Variants in ZFP1 observed in about 807,000 individuals in gnomAD.
The protein encoded by ZFP1 is ZFP1 zinc finger protein.
In ZFP1, 32 loss-of-function variants were observed where a neutral mutation model predicts 38.5. That is an observed-to-expected ratio of 0.83 (90% CI 0.63 to 1.12). The LOEUF (loss-of-function observed/expected upper bound fraction) is 1.12. Ranked by LOEUF, ZFP1 falls within the 50% of genes most tolerant of loss-of-function variation. ZFP1 has a pLI of 0.00. For missense variants in ZFP1, 616 were observed against 480.8 expected, an observed-to-expected ratio of 1.28 and a Z score of -2.63; for synonymous variants, 245 against 168.8, an observed-to-expected ratio of 1.45 and a Z score of -3.50.
chr16:75,155,084 A>C (rs547133449), intron 2 of ZFP1, among the ~76,000 whole-genome samples: 1 of 152,150 alleles, frequency 6.6e-6, no homozygotes, highest in East Asian at 1.9e-4. Flanking sequence ...AGCGTAAGTC[A>C]CTGTGCCTGG....
intron 2 of ZFP1, among the ~76,000 whole-genome samples, chr16:75,164,253 C>T (rs1567535696): frequency 6.6e-6 from 1 of 151,540 alleles, no homozygotes; most frequent in Non-Finnish European, 1.5e-5. Flanking sequence ...AGTCTTTTAA[C>T]AGACATTTAT....
Position 75,169,479 on chromosome 16 carries a change from T to C in ZFP1, c.369T>C (p.Asn123=), listed in dbSNP as rs1567542908. ...ATAATTCAGACTTGCTTAATAGTAA[T>C]AGAAGCTATGCAGGAAAGCAGACTG... ...LKYNSDLLNS[N]RSYAGKQTDE... is the part of the protein sequence containing the mutation. Residue 123 remains asparagine (N), a synonymous_variant, in exon 4 of 4, where the codon AAT becomes AAC. Transcript: ENST00000570010. 2 of 1,612,902 alleles carry C rather than the reference T, an allele frequency of 1.2e-6. No homozygotes were observed. Among genetic ancestry groups the C allele is most frequent in the Admixed American group, 3.4e-5 (2 of 59,670 alleles).
chr16:75,169,539 C>G lies in ZFP1; in HGVS notation c.429C>G (p.Tyr143Ter), dbSNP rs1208362689. ...ECNEFGKALL[Y>*]LKQEKTHSGV... ...ATGAATTTGGAAAAGCACTTCTCTA[C>G]CTGAAGCAAGAGAAAACCCACAGTG... Residue 143 changes from tyrosine to a stop codon, truncating the protein, a stop_gained, in exon 4 of 4, where the codon TAC (tyrosine) becomes TAG (stop). Coordinates refer to ENST00000570010, the MANE Select transcript of ZFP1 (RefSeq NM_153688.4). LOFTEE classifies it high-confidence loss of function. The G allele has an allele frequency of 6.2e-7, 1 of 1,612,444 alleles. No individual in the cohort carries two copies. Among genetic ancestry groups the G allele is most frequent in the East Asian group, 2.2e-5 (1 of 44,874 alleles).
At chr16:75,159,280 C>G (rs979690628) in intron 2 of ZFP1, among the ~76,000 whole-genome samples, 19 of 105,496 alleles carry the variant, frequency 1.8e-4, no homozygotes, top group Non-Finnish European at 2.7e-4. Context: ...TCCCTCACTT[C>G]CCTTCCTTCC....
chr16:75,121,998 C>G, the ZFP1 span, among the ~76,000 whole-genome samples: 1 of 152,012 alleles, frequency 6.6e-6, no homozygotes, highest in Non-Finnish European at 1.5e-5. Flanking sequence ...ATACCCAGCC[C>G]AAAACAGAAT....
At chr16:75,125,603 C>A in the ZFP1 span, among the ~76,000 whole-genome samples, 2 of 151,980 alleles carry the variant, frequency 1.3e-5, no homozygotes, top group Non-Finnish European at 2.9e-5. Context: ...GATTACAGGC[C>A]TGAGCCACCG....
At position 75,164,372 on chromosome 16, in the gene ZFP1, A is replaced by G. The variant is rs1052489710; in HGVS notation, c.16-2398A>G. Among the ~76,000 whole-genome samples, 8 of 152,348 alleles carry G rather than the reference A, an allele frequency of 5.3e-5. 1 individual carries two copies. The highest frequency in any genetic ancestry group is 1.9e-4 in the East Asian group (1 of 5,192). On this transcript the variant is annotated intron_variant, in intron 2 of 3. Transcript: ENST00000570010. ...ACTTTCCTATTTTAAACAAAAGTTAATCAGAATTTTTCTTCCAAACATGGT... is the reference window on the plus strand; with the variant it reads ...ACTTTCCTATTTTAAACAAAAGTTAGTCAGAATTTTTCTTCCAAACATGGT...
intron 2 of ZFP1, among the ~76,000 whole-genome samples, chr16:75,164,011 CTTTG>C (rs771703763): frequency 1.3e-5 from 2 of 152,150 alleles, no homozygotes; most frequent in African/African-American, 2.4e-5. Context: ...TATCCATGCT[CTTTG>C]TTTAATCACT....
the ZFP1 span, among the ~76,000 whole-genome samples, chr16:75,121,020 G>A: frequency 1.2e-4 from 19 of 152,232 alleles, no homozygotes; most frequent in African/African-American, 4.1e-4. Context: ...AAAGCATCAC[G>A]TGTTCTAACC....
chr16:75,169,324 ATTC>A lies in ZFP1; in HGVS notation c.217_219del (p.Leu73del). 6.2e-7 allele frequency: 1 copy of A among 1,614,110 alleles called. No homozygotes were observed. Among genetic ancestry groups the A allele is most frequent in the East Asian group, 2.2e-5 (1 of 44,882 alleles). On this transcript the variant is annotated inframe_deletion, in exon 4 of 4. Coordinates refer to ENST00000570010, the MANE Select transcript of ZFP1 (RefSeq NM_153688.4). ...AGACGAGCAGGCGAGGCAATTTTTA[ATTC>A]TTAAGAACCAAACCCCAATTGAGGA...
intron 2 of ZFP1, among the ~76,000 whole-genome samples, chr16:75,156,972 A>T (rs2037498206): frequency 6.6e-6 from 1 of 152,162 alleles, no homozygotes; most frequent in African/African-American, 2.4e-5. Flanking sequence ...CTTGTTGATG[A>T]CAACCCTCAG....
intron 2 of ZFP1, among the ~76,000 whole-genome samples, chr16:75,161,464 T>A (rs1014017469): frequency 4.0e-5 from 6 of 151,720 alleles, no homozygotes; most frequent in Non-Finnish European, 7.4e-5. Flanking sequence ...TTTTGGTAAT[T>A]GTAGCCCTAC....
At chr16:75,164,528 A>C (rs973841308) in intron 2 of ZFP1, among the ~76,000 whole-genome samples, 8 of 152,150 alleles carry the variant, frequency 5.3e-5, no homozygotes, top group Non-Finnish European at 7.3e-5. Context: ...TTGCACATCC[A>C]ACTGATTCTT....
chr16:75,120,171 G>A, the ZFP1 span, among the ~76,000 whole-genome samples: 1 of 152,134 alleles, frequency 6.6e-6, no homozygotes, highest in East Asian at 1.9e-4. Context: ...GCATGTGCGT[G>A]TGTGTGTTTG....
chr16:75,146,970 T>A (rs6564212), upstream of ZFP1, among the ~76,000 whole-genome samples: 134,818 of 142,766 alleles, frequency 0.94, 63,728 homozygotes, highest in African/African-American at 0.99. Flanking sequence ...AAAGCCAGGG[T>A]AACTTGAGGG....
chr16:75,170,319 C>G lies in ZFP1; in HGVS notation c.1209C>G (p.Ile403Met). The stretch of plus-strand genomic sequence containing the variant: ...TCAGTGTCCATCAGAGAGTTCACAT[C>G]GGGGAGAAACCCTGAAACTCCAGCC... ...SRLSVHQRVHIGEKP is the reference protein window; with the variant it reads ...SRLSVHQRVHMGEKP Residue 403 changes from isoleucine to methionine, a missense_variant, in exon 4 of 4, where the codon ATC (isoleucine) becomes ATG (methionine). Coordinates refer to ENST00000570010, the MANE Select transcript of ZFP1 (RefSeq NM_153688.4). The G allele has an allele frequency of 1.3e-6, 2 of 1,578,246 alleles. No individual in the cohort carries two copies. The highest frequency in any genetic ancestry group is 1.7e-6 in the Non-Finnish European group (2 of 1,161,746).
chr16:75,120,524 T>A, the ZFP1 span, among the ~76,000 whole-genome samples: 82,870 of 150,332 alleles, frequency 0.55, 27,008 homozygotes, highest in Non-Finnish European at 0.74. Flanking sequence ...TTGGGTTTTT[T>A]TTTGTTTTTT....
Position 75,171,497 on chromosome 16 carries a change from T to C in ZFP1, c.*1163T>C, listed in dbSNP as rs938710431. The C allele has an allele frequency of 4.6e-5, 7 of 152,212 alleles. No individual in the cohort carries two copies. Among genetic ancestry groups the C allele is most frequent in the African/African-American group, 1.7e-4 (7 of 41,454 alleles). The allele number at this position is 152,212 out of a possible 1,614,324, so 9.4% of individuals were successfully genotyped here. On this transcript the variant is annotated 3_prime_UTR_variant, in exon 4 of 4. Coordinates refer to ENST00000570010, the MANE Select transcript of ZFP1 (RefSeq NM_153688.4). ...TCCCTTTGGAACATGAGTTATAAGT[T>C]ATTACTTTTCCTTTACATGTTTACA...
chr16:75,154,451 A>C (rs568181709), intron 2 of ZFP1, among the ~76,000 whole-genome samples: 1 of 152,282 alleles, frequency 6.6e-6, no homozygotes, highest in South Asian at 2.1e-4. Context: ...TCATTTGGAT[A>C]AATACCAAGG....
Sources: allele counts gnomAD v4.1 joint callset (sites outside exome capture counted in the v4.1 genomes callset), GRCh38; gene constraint gnomAD v4.1.1; transcripts MANE v1.5; gene names NCBI Gene and HGNC (gene_info 2026-07-23, HGNC 2026-07-21).